CAMK2D: variants seen among roughly 807,000 people sequenced by gnomAD.
CAMK2D encodes calcium/calmodulin-dependent protein kinase type II subunit delta.
A neutral mutation model predicts 84.0 loss-of-function variants in CAMK2D; 37 were observed. The observed-to-expected ratio is 0.44, with a 90% CI of 0.34 to 0.58. The LOEUF is 0.58. CAMK2D is among the 20% of genes least tolerant of loss of function. The probability of loss-of-function intolerance (pLI) is 0.02; values close to 1 mark genes in which losing one functional copy is unlikely to be tolerated. For missense variants in CAMK2D, 448 were observed against 652.5 expected, an observed-to-expected ratio of 0.69 and a Z score of 3.41; for synonymous variants, 202 against 212.5, an observed-to-expected ratio of 0.95 and a Z score of 0.43.
chr4:113,532,365 T>C (rs1037302893), intron 7 of CAMK2D, among the ~76,000 whole-genome samples: 4 of 152,176 alleles, frequency 2.6e-5, no homozygotes, highest in African/African-American at 9.7e-5. Context: ...AGAAAAGACC[T>C]GTATGTTGCA....
chr4:113,504,992 A>ATAT lies in CAMK2D; in HGVS notation c.1025_1027dup (p.Asn342dup). 13 of 1,579,526 alleles carry ATAT rather than the reference A, an allele frequency of 8.2e-6. No homozygotes were observed. Among genetic ancestry groups the ATAT allele is most frequent in the Non-Finnish European group, 1.1e-5 (13 of 1,169,796 alleles). On this transcript the variant is annotated inframe_insertion, in exon 14 of 21. Transcript: ENST00000511664. ...CAGGTATACCAGCGCTGGGGTAGGAATATTTTCTTTGGGGCTGGTTACCAC... is the reference window on the plus strand; with the variant it reads ...CAGGTATACCAGCGCTGGGGTAGGAATATTATTTTCTTTGGGGCTGGTTACCAC...
chr4:113,529,929 G>T (rs538345419), intron 8 of CAMK2D, among the ~76,000 whole-genome samples: 2 of 152,302 alleles, frequency 1.3e-5, no homozygotes, highest in Admixed American at 1.3e-4. Context: ...AAGTGTTCCA[G>T]AAAATGGCAG....
chr4:113,510,651 TA>T (rs2098199102), intron 12 of CAMK2D, among the ~76,000 whole-genome samples: 1 of 152,144 alleles, frequency 6.6e-6, no homozygotes, highest in African/African-American at 2.4e-5. Context: ...GATACACACT[TA>T]TGCTTTCATT....
intron 17 of CAMK2D, among the ~76,000 whole-genome samples, chr4:113,460,444 G>T (rs1179320802): frequency 6.6e-6 from 1 of 151,948 alleles, no homozygotes; most frequent in Non-Finnish European, 1.5e-5. Context: ...AACTCTGATA[G>T]GAACAAACTA....
chr4:113,676,248 ACCTC>A (rs1208752554), intron 2 of CAMK2D, among the ~76,000 whole-genome samples: 1 of 151,924 alleles, frequency 6.6e-6, no homozygotes, highest in Admixed American at 6.6e-5. Flanking sequence ...CAGTTCCTTG[ACCTC>A]CCTGTCTCCA....
At chr4:113,671,588 A>T (rs1401185946) in intron 2 of CAMK2D, among the ~76,000 whole-genome samples, 1 of 152,236 alleles carries the variant, frequency 6.6e-6, no homozygotes, top group Non-Finnish European at 1.5e-5. Context: ...TTGAGATCTA[A>T]CAAAGGGAAA....
chr4:113,761,219 G>C lies in CAMK2D; in HGVS notation c.-151C>G. ...GTAGCTCGCCCGCGAGGGAGTGTGC[G>C]CAGGGGCGGGGCGGGAGGGGAGATG... is the stretch of plus-strand genomic sequence containing the variant. On this transcript the variant is annotated 5_prime_UTR_variant, in exon 1 of 21. Transcript: ENST00000511664. 6.6e-7 allele frequency: 1 copy of C among 1,515,732 alleles called. No individual in the cohort carries two copies. The highest frequency in any genetic ancestry group is 1.2e-5 in the South Asian group (1 of 80,934). The allele number at this position is 1,515,732 out of a possible 1,614,324, so 93.9% of individuals were successfully genotyped here. A position where few individuals can be genotyped will look rare whatever the true frequency, so the allele number is the denominator to read the frequency against.
intron 6 of CAMK2D, among the ~76,000 whole-genome samples, chr4:113,544,376 G>GT (rs2098552676): frequency 6.6e-6 from 1 of 151,982 alleles, no homozygotes; most frequent in Non-Finnish European, 1.5e-5. Flanking sequence ...TTTTCCTATC[G>GT]TTTTGACTCA....
chr4:113,587,741 C>A (rs766774356), intron 4 of CAMK2D, among the ~76,000 whole-genome samples: 1 of 152,094 alleles, frequency 6.6e-6, no homozygotes, highest in Non-Finnish European at 1.5e-5. Context: ...AAACTCTGGG[C>A]CTAAATTTTA....
At position 113,452,884 on chromosome 4, in the gene CAMK2D, C is replaced by T. The variant is rs1341369694; in HGVS notation, c.*1661G>A. On this transcript the variant is annotated 3_prime_UTR_variant, in exon 21 of 21. Coordinates refer to ENST00000511664, the MANE Select transcript of CAMK2D (RefSeq NM_001321571.2). ...ATCAGAAAAGCTTCAACCCATCTAC[C>T]ATACATCCACTAGCAATAATATCTA... The T allele has an allele frequency of 1.3e-5, 2 of 152,444 alleles. No homozygotes were observed. The highest frequency in any genetic ancestry group is 1.3e-4 in the Admixed American group (2 of 15,266). 9.4% of individuals were successfully genotyped at this position (152,444 alleles called of 1,614,324 possible). A position where few individuals can be genotyped will look rare whatever the true frequency, so the allele number is the denominator to read the frequency against.
At chr4:113,622,011 A>T (rs1312857974) in intron 3 of CAMK2D, among the ~76,000 whole-genome samples, 5 of 152,204 alleles carry the variant, frequency 3.3e-5, no homozygotes, top group African/African-American at 1.2e-4. Flanking sequence ...CATTAAATCA[A>T]ACAACATACT....
At chr4:113,510,212 C>T (rs1028139418) in intron 12 of CAMK2D, among the ~76,000 whole-genome samples, 1 of 152,116 alleles carries the variant, frequency 6.6e-6, no homozygotes, top group East Asian at 1.9e-4. Context: ...AAAAATATTA[C>T]TATTTAAATA....
chr4:113,509,591 C>T lies in CAMK2D; in HGVS notation c.984+47G>A, dbSNP rs369708652. ...TTATATATAACATTTAAAGATTATC[C>T]AGCATCTGAAAGTCAGAAATGGATT... On this transcript the variant is annotated intron_variant, in intron 13 of 20. Coordinates refer to ENST00000511664, the MANE Select transcript of CAMK2D (RefSeq NM_001321571.2). 125 of 1,204,204 alleles carry T rather than the reference C, an allele frequency of 1.0e-4. No homozygotes were observed. In the East Asian group the frequency reaches 1.8e-3, roughly 18 times the overall value. The allele number at this position is 1,204,204 out of a possible 1,614,324, so 74.6% of individuals were successfully genotyped here.
intron 3 of CAMK2D, among the ~76,000 whole-genome samples, chr4:113,609,902 T>C (rs1357897819): frequency 1.3e-5 from 2 of 152,196 alleles, no homozygotes; most frequent in East Asian, 3.8e-4. Flanking sequence ...AAATTTTCAA[T>C]GAGCCAGACT....
chr4:113,754,550 T>C (rs1291429970), intron 2 of CAMK2D: 1 of 976,720 alleles, frequency 1.0e-6, no homozygotes, highest in Non-Finnish European at 1.2e-6. Context: ...AACAAAGTTC[T>C]CACACAATCA....
chr4:113,731,538 G>GA (rs911650088), intron 2 of CAMK2D, among the ~76,000 whole-genome samples: 18 of 148,914 alleles, frequency 1.2e-4, no homozygotes, highest in African/African-American at 4.2e-4. Flanking sequence ...TCTTGATGAT[G>GA]AAAAAACACT....
At chr4:113,498,605 C>T (rs1473259929) in intron 16 of CAMK2D, among the ~76,000 whole-genome samples, 4 of 152,108 alleles carry the variant, frequency 2.6e-5, no homozygotes, top group Non-Finnish European at 5.9e-5. Flanking sequence ...TGCTGAATTC[C>T]TCTAATACTT....
At chr4:113,709,746 G>GATATATAT (rs397995032) in intron 2 of CAMK2D, among the ~76,000 whole-genome samples, 1,039 of 49,660 alleles carry the variant, frequency 0.021, 74 homozygotes, top group Middle Eastern at 0.029. Context: ...AGCCGTGAAC[G>GATATATAT]ATATATATAT....
At chr4:113,723,805 G>C (rs549907728) in intron 2 of CAMK2D, among the ~76,000 whole-genome samples, 1 of 152,168 alleles carries the variant, frequency 6.6e-6, no homozygotes, top group Non-Finnish European at 1.5e-5. Flanking sequence ...AACATACAAA[G>C]AATGGGGTAG....
Sources: gnomAD v4.1 joint callset for allele counts (sites outside exome capture counted in the v4.1 genomes callset) on GRCh38, gnomAD v4.1.1 for gene constraint, MANE v1.5 for transcripts, NCBI Gene and HGNC (gene_info 2026-07-23, HGNC 2026-07-21) for gene names.